The following PKNOX2 variants were observed in gnomAD, a reference collection of about 807,000 sequenced individuals.
PKNOX2 encodes the protein PBX/knotted 1 homeobox 2, also known as homeobox protein PKNOX2.
In PKNOX2, 14 loss-of-function variants were observed where a neutral mutation model predicts 53.1. The observed-to-expected ratio is 0.26, with a 90% confidence interval of 0.17 to 0.41. PKNOX2 has a LOEUF of 0.41. PKNOX2 is among the 10% of genes least tolerant of loss of function. PKNOX2 has a pLI of 1.00. For synonymous variants in PKNOX2, 257 were observed against 242.8 expected, an observed-to-expected ratio of 1.06 and a Z score of -0.54; for missense variants, 496 against 602.8, an observed-to-expected ratio of 0.82 and a Z score of 1.85.
chr11:125,168,932 A>G (rs559280484), intron 1 of PKNOX2, among the ~76,000 whole-genome samples: 64 of 152,282 alleles, frequency 4.2e-4, no homozygotes, highest in Non-Finnish European at 7.8e-4. Flanking sequence ...CCCCCTCCCT[A>G]CTTTCTGAAA....
chr11:125,178,716 A>AGGAAG (rs879396100), intron 1 of PKNOX2, among the ~76,000 whole-genome samples: 3,860 of 128,212 alleles, frequency 0.03, 667 homozygotes, highest in African/African-American at 0.14. Context: ...GAAAGAAAGA[A>AGGAAG]AGAGAAAGGA....
At chr11:125,350,777 T>C (rs1325102031) in intron 3 of PKNOX2, among the ~76,000 whole-genome samples, 1 of 152,114 alleles carries the variant, frequency 6.6e-6, no homozygotes, top group Non-Finnish European at 1.5e-5. Flanking sequence ...AGGGGCGAGC[T>C]TGGTGCTTGG....
intron 2 of PKNOX2, among the ~76,000 whole-genome samples, chr11:125,307,507 G>A (rs957672404): frequency 2.6e-5 from 4 of 152,156 alleles, no homozygotes; most frequent in African/African-American, 7.2e-5. Flanking sequence ...GCAGTGAGCC[G>A]AGATTGCACC....
rs182161320 is a variant in PKNOX2 at position 125,393,305 on chromosome 11, C to T, written c.400-4569C>T. ...AAAAAGAAGTTGTGTTGATAGAGGT[C>T]CTAGAAGTTCCTCGATGTTCTTGGT... On this transcript the variant is annotated intron_variant, in intron 6 of 12. Transcript: ENST00000298282. 6.6e-5 allele frequency among the ~76,000 whole-genome samples: 10 copies of T among 152,010 alleles called. 1 individual carries two copies. Among genetic ancestry groups the T allele is most frequent in the Admixed American group, 5.2e-4 (8 of 15,254 alleles).
chr11:125,211,095 G>A (rs1186412896), intron 1 of PKNOX2, among the ~76,000 whole-genome samples: 7 of 152,116 alleles, frequency 4.6e-5, no homozygotes, highest in South Asian at 2.1e-4. Flanking sequence ...TCAGTTCCCC[G>A]ATTCCTCCCT....
intron 3 of PKNOX2, among the ~76,000 whole-genome samples, chr11:125,347,541 A>G (rs1951045457): frequency 6.6e-6 from 1 of 152,064 alleles, no homozygotes; most frequent in African/African-American, 2.4e-5. Flanking sequence ...CTGGTGGTGC[A>G]GGGCTGTGGG....
At chr11:125,378,846 T>C (rs1361658979) in intron 5 of PKNOX2, among the ~76,000 whole-genome samples, 1 of 152,184 alleles carries the variant, frequency 6.6e-6, no homozygotes, top group African/African-American at 2.4e-5. Context: ...TGTCTGCATA[T>C]CCACTCTCTG....
At chr11:125,197,404 A>C (rs1202101498) in intron 1 of PKNOX2, among the ~76,000 whole-genome samples, 1 of 152,164 alleles carries the variant, frequency 6.6e-6, no homozygotes, top group Non-Finnish European at 1.5e-5. Flanking sequence ...AGGTCTTTGA[A>C]GCCAAGGATC....
rs116665858 is a variant in PKNOX2 at position 125,370,117 on chromosome 11, G to A, written c.227+2132G>A. ...AAGCCCTCCAGATGAGTGGTGTAAC[G>A]AATAGTTTTTGGAAACCTAGGTTTG... On this transcript the variant is annotated intron_variant, in intron 5 of 12. Transcript: ENST00000298282. This position sits in a 1 kb window ranked among gnomAD's most constrained non-coding sequence, Gnocchi z 4.1. Among the ~76,000 whole-genome samples the A allele has an allele frequency of 0.02, 3,115 of 152,180 alleles. 109 individuals are homozygous for A. Among genetic ancestry groups the A allele is most frequent in the African/African-American group, 0.071 (2,946 of 41,514 alleles).
At chr11:125,185,879 C>T (rs1184300940) in intron 1 of PKNOX2, among the ~76,000 whole-genome samples, 1 of 152,088 alleles carries the variant, frequency 6.6e-6, no homozygotes, top group African/African-American at 2.4e-5. Flanking sequence ...TTCTTTTGGA[C>T]ATATACCTAG....
At chr11:125,232,124 C>T (rs183227485) in intron 1 of PKNOX2, among the ~76,000 whole-genome samples, 1 of 152,340 alleles carries the variant, frequency 6.6e-6, no homozygotes, top group Non-Finnish European at 1.5e-5. Context: ...AGTCCTAATC[C>T]TATCCTCTAG....
intron 2 of PKNOX2, among the ~76,000 whole-genome samples, chr11:125,322,803 C>T (rs1165532333): frequency 6.6e-6 from 1 of 152,114 alleles, no homozygotes; most frequent in Non-Finnish European, 1.5e-5. Context: ...TTTTTGTGAC[C>T]TTAGCCGAGA....
At chr11:125,339,308 G>C (rs1950567147) in intron 3 of PKNOX2, among the ~76,000 whole-genome samples, 1 of 152,222 alleles carries the variant, frequency 6.6e-6, no homozygotes, top group South Asian at 2.1e-4. Context: ...GAGCGGAAGA[G>C]AAGACTCTGA....
At chr11:125,269,148 G>T (rs1258767739) in intron 2 of PKNOX2, among the ~76,000 whole-genome samples, 1 of 152,164 alleles carries the variant, frequency 6.6e-6, no homozygotes, top group Non-Finnish European at 1.5e-5. Flanking sequence ...ATTAATGCAG[G>T]TATTAAATAT....
intron 1 of PKNOX2, among the ~76,000 whole-genome samples, chr11:125,216,935 G>A (rs1054232100): frequency 6.6e-6 from 1 of 152,056 alleles, no homozygotes; most frequent in East Asian, 1.9e-4. Flanking sequence ...GTTCAGGCTC[G>A]GTGTGGCCAG....
chr11:125,352,202 A>C lies in PKNOX2; in HGVS notation c.87+810A>C, dbSNP rs980994532. On this transcript the variant is annotated intron_variant, in intron 4 of 12. Transcript: ENST00000298282. The surrounding 1 kb of genome is among the most constrained non-coding windows in gnomAD (Gnocchi z 4.1). ...TCTTGTCCACCCTTGGTTCTTTGGAAACTTCGAGTTTTGTGTCTGTGCTTT... is the reference window on the plus strand; with the variant it reads ...TCTTGTCCACCCTTGGTTCTTTGGACACTTCGAGTTTTGTGTCTGTGCTTT... Among the ~76,000 whole-genome samples the C allele has an allele frequency of 6.6e-6, 1 of 152,116 alleles. No individual in the cohort carries two copies. The highest frequency in any genetic ancestry group is 2.4e-5 in the African/African-American group (1 of 41,416).
At chr11:125,311,058 T>G (rs2136007356) in intron 2 of PKNOX2, among the ~76,000 whole-genome samples, 1 of 152,248 alleles carries the variant, frequency 6.6e-6, no homozygotes, top group South Asian at 2.1e-4. Flanking sequence ...GTTTTTAGAC[T>G]CCAGTTCACT....
intron 3 of PKNOX2, among the ~76,000 whole-genome samples, chr11:125,349,122 AT>A (rs1230663593): frequency 6.6e-6 from 1 of 152,098 alleles, no homozygotes; most frequent in Non-Finnish European, 1.5e-5. Flanking sequence ...AAACATTCCT[AT>A]TTCCTTTATT....
At chr11:125,342,364 C>G (rs1020223667) in intron 3 of PKNOX2, among the ~76,000 whole-genome samples, 42 of 152,124 alleles carry the variant, frequency 2.8e-4, no homozygotes, top group African/African-American at 1.0e-3. Context: ...CTCCTTCCCC[C>G]ACCAGCCCCT....
Sources: gnomAD v4.1 joint callset for allele counts (sites outside exome capture counted in the v4.1 genomes callset) on GRCh38, gnomAD v4.1.1 for gene constraint, Gnocchi (gnomAD v3.1) non-coding constraint, MANE v1.5 for transcripts, NCBI Gene and HGNC (gene_info 2026-07-23, HGNC 2026-07-21) for gene names.